Variants in PDE10A observed in about 807,000 individuals in gnomAD.
PDE10A encodes cAMP and cAMP-inhibited cGMP 3',5'-cyclic phosphodiesterase 10A.
A neutral mutation model predicts 97.7 loss-of-function variants in PDE10A; 39 were observed. The observed-to-expected ratio is 0.40, with a 90% CI of 0.31 to 0.52. The LOEUF is 0.52. PDE10A is among the 20% of genes least tolerant of loss of function. The pLI, the probability that PDE10A is intolerant of heterozygous loss-of-function variation, is 0.56. For synonymous variants in PDE10A, 371 were observed against 376.8 expected, an observed-to-expected ratio of 0.98 and a Z score of 0.18; for missense variants, 731 against 1,047.8, an observed-to-expected ratio of 0.70 and a Z score of 4.17.
intron 1 of PDE10A, among the ~76,000 whole-genome samples, chr6:165,646,522 G>C (rs1423535844): frequency 6.6e-6 from 1 of 152,204 alleles, no homozygotes; most frequent in Non-Finnish European, 1.5e-5. Context: ...ACCAAGTCTT[G>C]CTCCAAAATA....
rs1215987562 is a variant in PDE10A at position 165,640,711 on chromosome 6, G to A, written c.865+21236C>T. Reference sequence around the variant, plus strand: ...TCAAATGAAGTCTGATAAACTAAGCGATGTTGTTGCTAGAAGATACAAATT... The same window carrying A: ...TCAAATGAAGTCTGATAAACTAAGCAATGTTGTTGCTAGAAGATACAAATT... On this transcript the variant is annotated intron_variant, in intron 1 of 21. Transcript: ENST00000539869. Among the ~76,000 whole-genome samples the A allele has an allele frequency of 3.3e-5, 5 of 152,170 alleles. No homozygotes were observed. In the East Asian group the frequency reaches 5.8e-4, roughly 18 times the overall value.
chr6:165,794,426 T>G (rs1778768035), intron 1 of PDE10A, among the ~76,000 whole-genome samples: 1 of 150,386 alleles, frequency 6.6e-6, no homozygotes, highest in African/African-American at 2.5e-5. Context: ...CTACACTCAC[T>G]CACACACTCA....
At chr6:165,930,133 T>C (rs1783086853) in intron 1 of PDE10A, among the ~76,000 whole-genome samples, 1 of 150,958 alleles carries the variant, frequency 6.6e-6, no homozygotes, top group African/African-American at 2.4e-5. Flanking sequence ...TGCTCCCTAA[T>C]GACCAGGCAC....
rs1449190016 is a variant in PDE10A at position 165,812,750 on chromosome 6, ATTCT to A, written c.-615+174775_-615+174778del. Among the ~76,000 whole-genome samples the A allele has an allele frequency of 1.1e-4, 16 of 152,290 alleles. 1 individual carries two copies. The South Asian group carries it at 2.9e-3, about 28-fold the overall frequency. On this transcript the variant is annotated intron_variant, in intron 1 of 19. Transcript: ENST00000366882. Reference sequence around the variant, plus strand: ...GGTACAATTTATTGATCACCTAGAGATTCTTTATTTGCATGTCTACTCTCTAACA... The same window carrying A: ...GGTACAATTTATTGATCACCTAGAGATTATTTGCATGTCTACTCTCTAACA...
chr6:165,736,074 G>A (rs1251295352), intron 1 of PDE10A, among the ~76,000 whole-genome samples: 1 of 152,152 alleles, frequency 6.6e-6, no homozygotes, highest in Admixed American at 6.5e-5. Flanking sequence ...TTACAGTAAG[G>A]ACAAGGGCTA....
At chr6:165,403,580 T>C (rs1335172578) in intron 13 of PDE10A, among the ~76,000 whole-genome samples, 1 of 152,216 alleles carries the variant, frequency 6.6e-6, no homozygotes, top group Non-Finnish European at 1.5e-5. Context: ...TTTTCCCCTA[T>C]TTAATTTACA....
At chr6:165,830,444 C>A (rs573278149) in intron 1 of PDE10A, among the ~76,000 whole-genome samples, 8 of 152,064 alleles carry the variant, frequency 5.3e-5, no homozygotes, top group Non-Finnish European at 1.0e-4. Flanking sequence ...CGAAATAACT[C>A]AAATGGCTTC....
intron 1 of PDE10A, among the ~76,000 whole-genome samples, chr6:165,646,161 C>CT (rs1554299806): frequency 6.6e-6 from 1 of 152,194 alleles, no homozygotes; most frequent in Non-Finnish European, 1.5e-5. Flanking sequence ...GTCCCCACCC[C>CT]GGAGTGCAAG....
At chr6:165,759,114 G>A (rs1001556424) in intron 1 of PDE10A, among the ~76,000 whole-genome samples, 2 of 152,210 alleles carry the variant, frequency 1.3e-5, no homozygotes, top group African/African-American at 4.8e-5. Context: ...CAGGAGCTAT[G>A]AGATCCGCTA....
intron 21 of PDE10A, 43 bp downstream of exon 21, chr6:165,336,080 T>C: frequency 7.2e-7 from 1 of 1,392,798 alleles, no homozygotes. Flanking sequence ...GATCTCAGTG[T>C]TGTTGGAAAC....
chr6:165,880,613 G>GA (rs1310456547), intron 1 of PDE10A, among the ~76,000 whole-genome samples: 2 of 152,146 alleles, frequency 1.3e-5, no homozygotes, highest in Admixed American at 6.5e-5. Flanking sequence ...TGAAAGTGTA[G>GA]AGTCCTTTAA....
intron 1 of PDE10A, among the ~76,000 whole-genome samples, chr6:165,758,998 C>T (rs184637452): frequency 2.6e-5 from 4 of 152,082 alleles, no homozygotes; most frequent in Non-Finnish European, 4.4e-5. Flanking sequence ...GGAGACAAGG[C>T]GATTTGAGGC....
At chr6:165,408,187 A>G (rs1009286673) in intron 13 of PDE10A, among the ~76,000 whole-genome samples, 4 of 152,208 alleles carry the variant, frequency 2.6e-5, no homozygotes, top group African/African-American at 9.6e-5. Context: ...ATTCCCCAAG[A>G]TCAACACAAT....
chr6:165,656,728 C>T lies in PDE10A; in HGVS notation c.865+5219G>A, dbSNP rs146027811. On this transcript the variant is annotated intron_variant, in intron 1 of 21. Coordinates refer to ENST00000539869, the MANE Select transcript of PDE10A (RefSeq NM_001385079.1). ...CTCAGAAGGTCCTTCCCAGGCTTCT[C>T]GCAAAGCGAAGGCACTGCCTCTTCA... Among the ~76,000 whole-genome samples, 275 of 152,324 alleles carry T rather than the reference C, an allele frequency of 1.8e-3. 2 individuals are homozygous for T. Among genetic ancestry groups the T allele is most frequent in the South Asian group, 4.1e-3 (20 of 4,828 alleles).
chr6:165,378,171 C>T (rs1784727608), intron 18 of PDE10A, among the ~76,000 whole-genome samples: 2 of 152,206 alleles, frequency 1.3e-5, no homozygotes, highest in South Asian at 4.1e-4. Context: ...GTAAAACCAA[C>T]ATTTTGTATT....
chr6:165,774,292 G>T (rs925265029), intron 1 of PDE10A, among the ~76,000 whole-genome samples: 1 of 151,902 alleles, frequency 6.6e-6, no homozygotes, highest in Non-Finnish European at 1.5e-5. Flanking sequence ...GGACTGCTAG[G>T]AATAGATTTG....
At chr6:165,850,673 C>G (rs1336584757) in intron 1 of PDE10A, among the ~76,000 whole-genome samples, 1 of 152,170 alleles carries the variant, frequency 6.6e-6, no homozygotes, top group African/African-American at 2.4e-5. Flanking sequence ...AGGCAGCGCT[C>G]AGACTTCCCT....
intron 9 of PDE10A, 148 bp downstream of exon 9, chr6:165,430,138 CA>C: frequency 1.7e-6 from 1 of 588,916 alleles, no homozygotes. Context: ...CTCTACAATC[CA>C]TAATATGATT....
At chr6:165,704,802 G>C (rs1403374045) in intron 1 of PDE10A, among the ~76,000 whole-genome samples, 1 of 152,188 alleles carries the variant, frequency 6.6e-6, no homozygotes, top group Non-Finnish European at 1.5e-5. Context: ...CCCTGTTTCA[G>C]ACTTGATCAT....
Sources: allele counts gnomAD v4.1 joint callset (sites outside exome capture counted in the v4.1 genomes callset), GRCh38; gene constraint gnomAD v4.1.1; transcripts MANE v1.5; gene names NCBI Gene and HGNC (gene_info 2026-07-23, HGNC 2026-07-21).